Variants in CWH43 observed in about 807,000 individuals in gnomAD.
CWH43 encodes the protein cell wall biogenesis 43 C-terminal homolog, also known as PGAP2-interacting protein.
CWH43 carries 91 observed loss-of-function variants against 85.7 expected under a neutral mutation model. The observed-to-expected ratio is 1.06, with a 90% CI of 0.90 to 1.26. The LOEUF (loss-of-function observed/expected upper bound fraction) is 1.26, where lower values mean the gene tolerates loss of function less well. CWH43 is among the 50% of genes most tolerant of loss of function. The probability of loss-of-function intolerance (pLI) is 0.00; values close to 1 mark genes in which losing one functional copy is unlikely to be tolerated. For missense variants in CWH43, 869 were observed against 839.2 expected (o/e 1.04, Z -0.44); for synonymous variants, 323 against 293.6 (o/e 1.10, Z -1.02).
At chr4:49,020,681 TAA>T (rs1783724658) in intron 9 of CWH43, among the ~76,000 whole-genome samples, 1 of 152,162 alleles carries the variant, frequency 6.6e-6, no homozygotes, top group South Asian at 2.1e-4. Context: ...ACAGACAGTG[TAA>T]AAGTGTTCCT....
intron 8 of CWH43, among the ~76,000 whole-genome samples, chr4:49,014,458 C>CAAA (rs34790963): frequency 3.3e-4 from 44 of 134,548 alleles, no homozygotes; most frequent in African/African-American, 7.8e-4. Flanking sequence ...GACTCTGACT[C>CAAA]AAAAAAAAAA....
chr4:49,030,968 T>C lies in CWH43; in HGVS notation c.1508+8T>C. The C allele has an allele frequency of 6.4e-7, 1 of 1,573,420 alleles. No individual in the cohort carries two copies. On this transcript the variant is annotated splice_region_variant and intron_variant, in intron 11 of 15. Transcript: ENST00000226432. ...AAGGTATCACACTTGGGGGTGAGTA[T>C]ACCTTGGGAGTTAATCCCGAAGATA...
chr4:48,995,891 A>G (rs537617671), intron 5 of CWH43, among the ~76,000 whole-genome samples: 23 of 152,020 alleles, frequency 1.5e-4, no homozygotes, highest in Non-Finnish European at 3.2e-4. Context: ...TCTTCTCCAC[A>G]TGGTTCCAGA....
chr4:49,012,786 G>A (rs116247269), intron 8 of CWH43, among the ~76,000 whole-genome samples: 2,989 of 152,220 alleles, frequency 0.02, 54 homozygotes, highest in Non-Finnish European at 0.028. Context: ...CGTTTGCCTG[G>A]GTATCACCAG....
intron 15 of CWH43, among the ~76,000 whole-genome samples, chr4:49,052,590 G>A (rs536854396): frequency 3.9e-5 from 6 of 152,202 alleles, no homozygotes; most frequent in African/African-American, 7.2e-5. Flanking sequence ...TTCTTGTGTC[G>A]TTATTCTTCA....
At chr4:49,047,458 G>A (rs1252364031) in intron 14 of CWH43, among the ~76,000 whole-genome samples, 5 of 152,142 alleles carry the variant, frequency 3.3e-5, no homozygotes, top group South Asian at 2.1e-4. Flanking sequence ...AGCAGGGGAA[G>A]GAGCTTCCAG....
chr4:49,057,721 C>G (rs190397342), intron 15 of CWH43, among the ~76,000 whole-genome samples: 1 of 152,038 alleles, frequency 6.6e-6, no homozygotes, highest in Non-Finnish European at 1.5e-5. Flanking sequence ...TATTGGAGTC[C>G]CCTACTACTA....
intron 14 of CWH43, 107 bp from the exon 15 acceptor site, chr4:49,050,587 A>T: frequency 1.3e-6 from 1 of 792,154 alleles, no homozygotes; most frequent in African/African-American, 1.7e-5. Context: ...TACAGAGTAG[A>T]GTTAGAAGTG....
chr4:48,997,141 C>T (rs1782839983), intron 5 of CWH43, among the ~76,000 whole-genome samples: 1 of 152,122 alleles, frequency 6.6e-6, no homozygotes, highest in Non-Finnish European at 1.5e-5. Flanking sequence ...TTTCTCAGAA[C>T]CAGCTTGAGA....
chr4:49,057,213 G>A (rs1451400642), intron 15 of CWH43, among the ~76,000 whole-genome samples: 1 of 152,204 alleles, frequency 6.6e-6, no homozygotes, highest in African/African-American at 2.4e-5. Context: ...TGTGCCTAAG[G>A]TGGTCAGAGT....
intron 15 of CWH43, among the ~76,000 whole-genome samples, chr4:49,060,963 A>T (rs1244880908): frequency 1.3e-5 from 2 of 152,212 alleles, no homozygotes; most frequent in African/African-American, 4.8e-5. Flanking sequence ...TCCAAATAGT[A>T]TATTATGAAC....
intron 8 of CWH43, among the ~76,000 whole-genome samples, chr4:49,008,287 T>C (rs1251036706): frequency 6.6e-6 from 1 of 152,230 alleles, no homozygotes; most frequent in African/African-American, 2.4e-5. Flanking sequence ...GAAGTGTCTG[T>C]TCATATCCTT....
chr4:49,010,154 G>T (rs1349194362), intron 8 of CWH43, among the ~76,000 whole-genome samples: 2 of 152,102 alleles, frequency 1.3e-5, no homozygotes, highest in Admixed American at 1.3e-4. Context: ...CAATTTCAGA[G>T]CTTGTTGTTG....
chr4:49,014,154 T>C (rs1783456659), intron 8 of CWH43, among the ~76,000 whole-genome samples: 1 of 152,202 alleles, frequency 6.6e-6, no homozygotes, highest in African/African-American at 2.4e-5. Context: ...TTCATCTTAA[T>C]TTAAAAGATT....
chr4:49,003,389 A>G (rs569740839), intron 6 of CWH43, among the ~76,000 whole-genome samples: 3 of 152,190 alleles, frequency 2.0e-5, no homozygotes, highest in South Asian at 2.1e-4. Context: ...GGTTAAATGT[A>G]ATATTTTTGG....
intron 7 of CWH43, among the ~76,000 whole-genome samples, chr4:49,005,748 C>T (rs1468350951): frequency 6.6e-6 from 1 of 151,794 alleles, no homozygotes; most frequent in African/African-American, 2.4e-5. Flanking sequence ...ACTTTGTTGC[C>T]CAGGCTGGCG....
chr4:49,060,900 A>G (rs1420493054), intron 15 of CWH43, among the ~76,000 whole-genome samples: 2 of 152,134 alleles, frequency 1.3e-5, no homozygotes, highest in South Asian at 2.1e-4. Context: ...GTATGTGCGT[A>G]TATCTGTGTG....
rs1325432362 is a variant in CWH43 at position 49,039,710 on chromosome 4, A to G, written c.1803+1530A>G. Among the ~76,000 whole-genome samples the G allele has an allele frequency of 5.9e-5, 9 of 151,894 alleles. No homozygotes were observed. In the South Asian group the frequency reaches 1.5e-3, roughly 25 times the overall value. ...TTTTCTGCATGTGACAGAAAATAAC[A>G]GAGAGTGTATTTCTTTTTTTTTCTG... is the stretch of plus-strand genomic sequence containing the variant. On this transcript the variant is annotated intron_variant, in intron 13 of 15. Transcript: ENST00000226432.
chr4:49,026,128 G>T (rs1267230783), intron 9 of CWH43, among the ~76,000 whole-genome samples: 5 of 152,158 alleles, frequency 3.3e-5, no homozygotes, highest in African/African-American at 4.8e-5. Flanking sequence ...AGAGAAGTGG[G>T]AGAAAGCCGG....
Sources: gnomAD v4.1 joint callset for allele counts (sites outside exome capture counted in the v4.1 genomes callset) on GRCh38, gnomAD v4.1.1 for gene constraint, MANE v1.5 for transcripts, NCBI Gene and HGNC (gene_info 2026-07-23, HGNC 2026-07-21) for gene names.